The following PABPC4L variants were observed in gnomAD, a reference collection of about 807,000 sequenced individuals.
The protein encoded by PABPC4L is polyadenylate-binding protein 4-like.
For synonymous variants in PABPC4L, 169 were observed against 164.1 expected, an observed-to-expected ratio of 1.03 and a Z score of -0.23; for missense variants, 452 against 451.4, an observed-to-expected ratio of 1.00 and a Z score of -0.01.
the PABPC4L span, among the ~76,000 whole-genome samples, chr4:134,176,316 G>T: frequency 6.6e-6 from 1 of 151,778 alleles, no homozygotes; most frequent in African/African-American, 2.4e-5. Context: ...ATGTCTACCT[G>T]CTCAAAAGAT....
chr4:133,962,755 G>A, the PABPC4L span, among the ~76,000 whole-genome samples: 1 of 152,142 alleles, frequency 6.6e-6, no homozygotes, highest in African/African-American at 2.4e-5. Context: ...GTGAAACTAA[G>A]CATCATATAT....
At chr4:134,112,720 T>C in the PABPC4L span, among the ~76,000 whole-genome samples, 1 of 151,926 alleles carries the variant, frequency 6.6e-6, no homozygotes, top group East Asian at 1.9e-4. Context: ...CATGTATATA[T>C]ATGTGTGTGT....
the PABPC4L span, among the ~76,000 whole-genome samples, chr4:134,111,433 T>C: frequency 6.6e-6 from 1 of 151,748 alleles, no homozygotes; most frequent in Admixed American, 6.6e-5. Context: ...TAGATATAGA[T>C]AGATACACAC....
chr4:134,119,589 A>G, the PABPC4L span, among the ~76,000 whole-genome samples: 12 of 151,722 alleles, frequency 7.9e-5, no homozygotes, highest in South Asian at 2.1e-4. Flanking sequence ...TTATATTAAA[A>G]TGTAAAGAAG....
At chr4:133,985,966 C>T in the PABPC4L span, among the ~76,000 whole-genome samples, 1 of 152,022 alleles carries the variant, frequency 6.6e-6, no homozygotes, top group Non-Finnish European at 1.5e-5. Context: ...TTATTAAGCT[C>T]TGGTGTCTGC....
At chr4:134,079,246 A>G in the PABPC4L span, among the ~76,000 whole-genome samples, 4 of 151,076 alleles carry the variant, frequency 2.6e-5, no homozygotes, top group Admixed American at 2.6e-4. Context: ...CTGGGATTAC[A>G]GGCTTGAGCC....
chr4:134,060,127 A>G, the PABPC4L span, among the ~76,000 whole-genome samples: 1 of 151,974 alleles, frequency 6.6e-6, no homozygotes, highest in African/African-American at 2.4e-5. Context: ...GCTGAATCCC[A>G]CCCATGGAGA....
At chr4:134,201,273 G>T in intron 1 of PABPC4L, 28 bp from the exon 2 acceptor site, 1 of 1,472,054 alleles carries the variant, frequency 6.8e-7, no homozygotes. Context: ...GAGATTATTA[G>T]GACAAGACGT....
At chr4:133,996,471 T>C in the PABPC4L span, among the ~76,000 whole-genome samples, 3 of 152,152 alleles carry the variant, frequency 2.0e-5, no homozygotes, top group Non-Finnish European at 2.9e-5. Context: ...TACTTTTATA[T>C]ACTGTTGCTG....
At chr4:133,950,785 G>A in the PABPC4L span, among the ~76,000 whole-genome samples, 2 of 152,152 alleles carry the variant, frequency 1.3e-5, no homozygotes, top group African/African-American at 4.8e-5. Flanking sequence ...AACCTCCATA[G>A]TGTTCCCTTT....
the PABPC4L span, among the ~76,000 whole-genome samples, chr4:134,026,909 T>A: frequency 4.9e-3 from 739 of 152,154 alleles, 8 homozygotes; most frequent in African/African-American, 0.017. Context: ...TTCTTCCTCA[T>A]GGCTCTGAAT....
At chr4:134,170,115 A>C in the PABPC4L span, among the ~76,000 whole-genome samples, 2 of 152,088 alleles carry the variant, frequency 1.3e-5, no homozygotes, top group Non-Finnish European at 2.9e-5. Context: ...TTTAGCTCCC[A>C]CTTATAAGTG....
the PABPC4L span, among the ~76,000 whole-genome samples, chr4:134,034,756 G>A: frequency 6.6e-6 from 1 of 151,912 alleles, no homozygotes; most frequent in African/African-American, 2.4e-5. Context: ...CTTGACAGGG[G>A]GAGCTTCTTA....
the PABPC4L span, among the ~76,000 whole-genome samples, chr4:134,017,943 T>G: frequency 6.6e-6 from 1 of 152,126 alleles, no homozygotes; most frequent in African/African-American, 2.4e-5. Flanking sequence ...TATTTCATTT[T>G]ATTTTTCTTA....
chr4:134,128,267 C>A, the PABPC4L span, among the ~76,000 whole-genome samples: 4 of 152,062 alleles, frequency 2.6e-5, no homozygotes, highest in Non-Finnish European at 5.9e-5. Context: ...CCTTCCCTGG[C>A]CTTGCTAGAG....
chr4:133,983,470 T>C, the PABPC4L span, among the ~76,000 whole-genome samples: 4 of 151,774 alleles, frequency 2.6e-5, no homozygotes, highest in Non-Finnish European at 5.9e-5. Context: ...TGAACTGACA[T>C]AAGCCCAGCG....
chr4:134,140,696 T>G, the PABPC4L span, among the ~76,000 whole-genome samples: 1 of 151,884 alleles, frequency 6.6e-6, no homozygotes, highest in East Asian at 1.9e-4. Flanking sequence ...TCTACGTTTA[T>G]ACATAATTTA....
At chr4:134,043,682 AAC>A in the PABPC4L span, among the ~76,000 whole-genome samples, 62 of 146,510 alleles carry the variant, frequency 4.2e-4, 1 homozygote, top group East Asian at 0.012. Context: ...TAAAAGAAAA[AAC>A]AAAATACATC....
chr4:134,045,576 G>C, the PABPC4L span, among the ~76,000 whole-genome samples: 1 of 152,128 alleles, frequency 6.6e-6, no homozygotes, highest in Admixed American at 6.6e-5. Context: ...CCTTGGAAGA[G>C]GCTTACATAA....
Sources: gnomAD v4.1 joint callset for allele counts (sites outside exome capture counted in the v4.1 genomes callset) on GRCh38, gnomAD v4.1.1 for gene constraint, MANE v1.5 for transcripts, NCBI Gene and HGNC (gene_info 2026-07-23, HGNC 2026-07-21) for gene names.